Variants in CDK19 observed in about 807,000 individuals in gnomAD.
CDK19 encodes the protein cyclin-dependent kinase 19.
CDK19 carries 20 observed loss-of-function variants against 68.3 expected under a neutral mutation model. The observed-to-expected ratio is 0.29, with a 90% CI of 0.21 to 0.43. The LOEUF (loss-of-function observed/expected upper bound fraction) is 0.43, where lower values mean the gene tolerates loss of function less well. CDK19 is among the 20% of genes least tolerant of loss of function. CDK19 has a pLI of 1.00. For synonymous variants in CDK19, 221 were observed against 222.8 expected (o/e 0.99, Z 0.07); for missense variants, 339 against 623.5 (o/e 0.54, Z 4.86).
chr6:110,633,112 C>T (rs1458660678), intron 5 of CDK19, among the ~76,000 whole-genome samples: 4 of 151,206 alleles, frequency 2.6e-5, no homozygotes, highest in Admixed American at 6.6e-5. Context: ...CCAGCCACTA[C>T]GGAGGCTGAG....
chr6:110,722,441 A>G (rs6918346), intron 2 of CDK19: 41,309 of 151,326 alleles, frequency 0.27, 6,303 homozygotes, highest in East Asian at 0.68. Flanking sequence ...GCTCATGCTT[A>G]TAATCCTAGC....
In CDK19 at chr6:110,685,663, G is replaced by A. The variant is rs560673868; in HGVS notation, c.205-15122C>T. 4.7e-3 allele frequency among the ~76,000 whole-genome samples: 714 copies of A among 152,226 alleles called. 4 individuals carry two copies. Among genetic ancestry groups the A allele is most frequent in the Non-Finnish European group, 7.5e-3 (508 of 68,010 alleles). ...TCAGAATATCTTCCTAAGATAAAAA[G>A]TCTGATAAATTGTTAACTCTCCTAC... On this transcript the variant is annotated intron_variant, in intron 2 of 12. Transcript: ENST00000368911.
chr6:110,705,298 C>T (rs1196845560), intron 2 of CDK19, among the ~76,000 whole-genome samples: 2 of 152,090 alleles, frequency 1.3e-5, no homozygotes, highest in Non-Finnish European at 2.9e-5. Context: ...CCTCGGCCTC[C>T]GTAAGTGCTG....
rs376264587 is a variant in CDK19, at chr6:110,688,277, G to A, written c.205-17736C>T. Among the ~76,000 whole-genome samples, 36 of 151,958 alleles carry A rather than the reference G, an allele frequency of 2.4e-4. 1 individual carries two copies. The highest frequency in any genetic ancestry group is 8.5e-4 in the Admixed American group (13 of 15,244). ...TCACCTGAACCTGGGAGCCGGAGTC[G>A]TGCCACTGTACTCCAGCCTGGGCAA... On this transcript the variant is annotated intron_variant, in intron 2 of 12. Transcript: ENST00000368911.
At chr6:110,813,917 T>A (rs1583163973) in intron 1 of CDK19, 1 of 152,230 alleles carries the variant, frequency 6.6e-6, no homozygotes, top group South Asian at 2.1e-4. Flanking sequence ...CTCTTTAAAG[T>A]CTATGCTGGA....
chr6:110,719,543 C>A (rs1470408283), intron 2 of CDK19, among the ~76,000 whole-genome samples: 1 of 151,936 alleles, frequency 6.6e-6, no homozygotes, highest in Non-Finnish European at 1.5e-5. Flanking sequence ...ATAAATAAAT[C>A]TAAACATATG....
chr6:110,728,024 C>T (rs1338493048), intron 2 of CDK19, among the ~76,000 whole-genome samples: 1 of 150,184 alleles, frequency 6.7e-6, no homozygotes, highest in Admixed American at 6.7e-5. Flanking sequence ...GGCATGGTGG[C>T]TCACACCTGT....
chr6:110,667,288 G>A lies in CDK19; in HGVS notation c.456+146C>T, dbSNP rs371914540. ...GTTAATCTTTTTATTATAGGTTTAT[G>A]GGTGATTTTTATCTTCTTTTTTGCT... On this transcript the variant is annotated intron_variant, in intron 4 of 12. Coordinates refer to ENST00000368911, the MANE Select transcript of CDK19 (RefSeq NM_015076.5). 7.5e-5 allele frequency: 40 copies of A among 535,654 alleles called. No individual in the cohort carries two copies. In the South Asian group the frequency reaches 1.1e-3, roughly 14 times the overall value. The allele number at this position is 535,654 out of a possible 1,614,324, so 33.2% of individuals were successfully genotyped here. A position where few individuals can be genotyped will look rare whatever the true frequency, so the allele number is the denominator to read the frequency against.
At chr6:110,746,290 TTC>T (rs1310870387) in intron 1 of CDK19, 89 bp from the exon 2 acceptor site, 3 of 709,910 alleles carry the variant, frequency 4.2e-6, no homozygotes, top group Non-Finnish European at 7.1e-6. Flanking sequence ...TGCACTTAAT[TTC>T]TCAGTGATAT....
intron 1 of CDK19, among the ~76,000 whole-genome samples, chr6:110,799,756 C>T (rs1330100601): frequency 6.6e-6 from 1 of 152,108 alleles, no homozygotes; most frequent in Non-Finnish European, 1.5e-5. Flanking sequence ...CACCACTATA[C>T]CCAGCTAGTT....
rs777727767 is a variant in CDK19, at chr6:110,623,334, T to G, written c.889A>C (p.Met297Leu). The change falls in exon 9 of 13, where the codon ATG (methionine) becomes CTG (leucine). Residue 297 changes from methionine (M) to leucine (L), a missense_variant. Met to Leu is a conservative substitution (Grantham distance 15). Coordinates refer to ENST00000368911, the MANE Select transcript of CDK19 (RefSeq NM_015076.5). ...TYANSSLIKY[M>L]EKHKVKPDSK... ...TCAGGCTTGACCTTGTGTTTCTCCA[T>G]GTACTTTATGAGGCTACTGTTGGCA... 1.2e-6 allele frequency: 2 copies of G among 1,613,912 alleles called. No homozygotes were observed. Among genetic ancestry groups the G allele is most frequent in the African/African-American group, 2.7e-5 (2 of 74,930 alleles).
intron 1 of CDK19, among the ~76,000 whole-genome samples, chr6:110,775,867 A>G (rs1780360429): frequency 6.6e-6 from 1 of 152,224 alleles, no homozygotes; most frequent in Non-Finnish European, 1.5e-5. Context: ...AAAAAACAGT[A>G]TTTTAAAACA....
intron 1 of CDK19, among the ~76,000 whole-genome samples, chr6:110,752,311 T>C (rs1481178392): frequency 1.3e-5 from 2 of 152,240 alleles, no homozygotes; most frequent in African/African-American, 4.8e-5. Flanking sequence ...GCCTCTACTT[T>C]TCTTAATTAT....
chr6:110,801,581 G>A (rs1257427512), intron 1 of CDK19, among the ~76,000 whole-genome samples: 2 of 151,842 alleles, frequency 1.3e-5, no homozygotes, highest in Admixed American at 1.3e-4. Context: ...GCGTCATCTC[G>A]GCTTACTGCA....
intron 2 of CDK19, among the ~76,000 whole-genome samples, chr6:110,688,565 T>A (rs1187666202): frequency 6.6e-6 from 1 of 151,728 alleles, no homozygotes; most frequent in Non-Finnish European, 1.5e-5. Context: ...GGCAAAAAAC[T>A]GTAAGTCTCC....
intron 2 of CDK19, among the ~76,000 whole-genome samples, chr6:110,726,076 C>T (rs1776293797): frequency 1.3e-5 from 2 of 151,678 alleles, no homozygotes; most frequent in Admixed American, 6.6e-5. Context: ...TTTAAAACAC[C>T]AGTAGCTTCA....
At chr6:110,642,777 C>G (rs983024143) in intron 4 of CDK19, among the ~76,000 whole-genome samples, 3 of 147,816 alleles carry the variant, frequency 2.0e-5, no homozygotes, top group African/African-American at 7.5e-5. Context: ...GAAACCCTGT[C>G]TTTGATAGGA....
chr6:110,666,567 CCTGA>C (rs1562176073), intron 4 of CDK19, among the ~76,000 whole-genome samples: 1 of 151,822 alleles, frequency 6.6e-6, no homozygotes, highest in Non-Finnish European at 1.5e-5. Context: ...GATGAGTAGC[CCTGA>C]CTGACAAGGT....
intron 1 of CDK19, among the ~76,000 whole-genome samples, chr6:110,782,661 T>C (rs967137437): frequency 6.6e-6 from 1 of 152,218 alleles, no homozygotes; most frequent in Non-Finnish European, 1.5e-5. Flanking sequence ...GACAAACATG[T>C]ATTCCCTTTA....
Sources: allele counts gnomAD v4.1 joint callset (sites outside exome capture counted in the v4.1 genomes callset), GRCh38; gene constraint gnomAD v4.1.1; transcripts MANE v1.5; gene names NCBI Gene and HGNC (gene_info 2026-07-23, HGNC 2026-07-21).